The following BCAS3 variants were observed in gnomAD, a reference collection of about 807,000 sequenced individuals.
BCAS3 encodes BCAS3 microtubule associated cell migration factor, also known as BCAS4/BCAS3 fusion.
In BCAS3, 53 loss-of-function variants were observed where a neutral mutation model predicts 116.1. The ratio of observed to expected loss-of-function variants is 0.46; its 90% confidence interval spans 0.37 to 0.57. BCAS3 has a LOEUF of 0.57. Ranked by LOEUF, BCAS3 falls within the 20% of genes least tolerant of loss-of-function variation. The probability of loss-of-function intolerance (pLI) is 0.00; values close to 1 mark genes in which losing one functional copy is unlikely to be tolerated. For synonymous variants in BCAS3, 391 were observed against 408.2 expected (o/e 0.96, Z 0.51); for missense variants, 917 against 1,165.4 (o/e 0.79, Z 3.10).
rs879689269 is a variant in BCAS3 at position 61,279,777 on chromosome 17, G to GA, written c.2426-88536dup. Among the ~76,000 whole-genome samples the GA allele has an allele frequency of 4.3e-3, 584 of 136,244 alleles. No homozygotes were observed. Among genetic ancestry groups the GA allele is most frequent in the Middle Eastern group, 0.012 (3 of 260 alleles). 89.4% of individuals were successfully genotyped at this position (136,244 alleles called of 152,430 possible). On this transcript the variant is annotated intron_variant, in intron 22 of 23. Transcript: ENST00000407086. The surrounding 1 kb of genome is among the most constrained non-coding windows in gnomAD (Gnocchi z 4.4). ...GCACTGGTCCCTCTGCTTGAGTGAA[G>GA]AAAAAAAAAAAAAACTAGGCAGGTA...
rs1478225048 is a variant in BCAS3 at position 61,344,058 on chromosome 17, A to T, written c.2426-24269A>T. Among the ~76,000 whole-genome samples, 1 of 152,076 alleles carries T rather than the reference A, an allele frequency of 6.6e-6. No individual in the cohort carries two copies. Among genetic ancestry groups the T allele is most frequent in the Non-Finnish European group, 1.5e-5 (1 of 68,016 alleles). On this transcript the variant is annotated intron_variant, in intron 22 of 23. Transcript: ENST00000407086. The surrounding 1 kb of genome is among the most constrained non-coding windows in gnomAD (Gnocchi z 4.1). ...GAGACAGGCAAGAGTCAGTAATAAG[A>T]TCAGAGAGTAGAAGACTAGGGCCAG... is the stretch of plus-strand genomic sequence containing the variant.
intron 22 of BCAS3, among the ~76,000 whole-genome samples, chr17:61,172,896 G>A (rs1412103955): frequency 6.6e-6 from 1 of 151,552 alleles, no homozygotes; most frequent in African/African-American, 2.4e-5. Flanking sequence ...GCTGAGGCAG[G>A]AGCATGGCGT....
intron 15 of BCAS3, among the ~76,000 whole-genome samples, chr17:60,997,452 A>G (rs1568074014): frequency 6.6e-6 from 1 of 152,128 alleles, no homozygotes; most frequent in Non-Finnish European, 1.5e-5. Context: ...GAGACAGAGG[A>G]TGTTGCTTCT....
rs2076395077 is a variant in BCAS3, at chr17:61,132,523, G to A, written c.2425+47959G>A. 6.6e-6 allele frequency among the ~76,000 whole-genome samples: 1 copy of A among 152,138 alleles called. No homozygotes were observed. The highest frequency in any genetic ancestry group is 2.1e-4 in the South Asian group (1 of 4,830). ...AAGATTCCCTAACATTGGAATAAAT[G>A]GTAAGAATATAGATTGTTTGTGCCG... On this transcript the variant is annotated intron_variant, in intron 22 of 23. Transcript: ENST00000407086. The surrounding 1 kb of genome is among the most constrained non-coding windows in gnomAD (Gnocchi z 5.1).
At chr17:61,133,397 A>G (rs767670842) in intron 22 of BCAS3, among the ~76,000 whole-genome samples, 23 of 152,214 alleles carry the variant, frequency 1.5e-4, no homozygotes, top group Non-Finnish European at 2.4e-4. Context: ...GATGTCAAGT[A>G]CAAGTTCTGT....
rs991253875 is a variant in BCAS3, at chr17:61,258,652, G to A, written c.2426-109675G>A. ...ACATTGATTAAGTAAGTAGACTGATGTTCACTCCTTATTGCATGATTTTCT... is the reference window on the plus strand; with the variant it reads ...ACATTGATTAAGTAAGTAGACTGATATTCACTCCTTATTGCATGATTTTCT... On this transcript the variant is annotated intron_variant, in intron 22 of 23. Transcript: ENST00000407086. This position sits in a 1 kb window ranked among gnomAD's most constrained non-coding sequence, Gnocchi z 4.7. Among the ~76,000 whole-genome samples the A allele has an allele frequency of 1.3e-5, 2 of 152,320 alleles. 1 individual carries two copies. Among genetic ancestry groups the A allele is most frequent in the South Asian group, 4.1e-4 (2 of 4,832 alleles).
chr17:61,111,556 A>G (rs2075093605), intron 22 of BCAS3, among the ~76,000 whole-genome samples: 1 of 151,248 alleles, frequency 6.6e-6, no homozygotes, highest in African/African-American at 2.4e-5. Context: ...AAAAGAAATG[A>G]GCAAAGCCTC....
At position 61,343,271 on chromosome 17, in the gene BCAS3, G is replaced by T. The variant is rs34289689; in HGVS notation, c.2426-25056G>T. ...TCTAAAGGTGCCATGTGGAGGAGCAGAACAAGCCCTTCAATTGTGCACCGT... is the reference window on the plus strand; with the variant it reads ...TCTAAAGGTGCCATGTGGAGGAGCATAACAAGCCCTTCAATTGTGCACCGT... On this transcript the variant is annotated intron_variant, in intron 22 of 23. Coordinates refer to ENST00000407086, the MANE Select transcript of BCAS3 (RefSeq NM_017679.5). The surrounding 1 kb of genome is among the most constrained non-coding windows in gnomAD (Gnocchi z 5.5). 6.6e-6 allele frequency among the ~76,000 whole-genome samples: 1 copy of T among 152,224 alleles called. No individual in the cohort carries two copies. The highest frequency in any genetic ancestry group is 1.5e-5 in the Non-Finnish European group (1 of 68,042).
At position 60,947,018 on chromosome 17, in the gene BCAS3, C is replaced by G. The variant is rs143719623; in HGVS notation, c.1088-201C>G. Among the ~76,000 whole-genome samples, 9 of 152,166 alleles carry G rather than the reference C, an allele frequency of 5.9e-5. No homozygotes were observed. The East Asian group carries it at 1.7e-3, about 29-fold the overall frequency. ...AATACTTGCACATCTAGTGTTTATA[C>G]CTTGCTGATATACTGATGTGTCATT... On this transcript the variant is annotated intron_variant, in intron 13 of 23. Transcript: ENST00000407086.
rs1280244862 is a variant in BCAS3, at chr17:61,203,367, A to G, written c.2425+118803A>G. Among the ~76,000 whole-genome samples, 3 of 152,160 alleles carry G rather than the reference A, an allele frequency of 2.0e-5. No individual in the cohort carries two copies. The highest frequency in any genetic ancestry group is 7.2e-5 in the African/African-American group (3 of 41,434). ...GAAACAGGGTTTCGCCATGTTGGTC[A>G]GGCTGGTTTCAAACTCCTGACCTTG... On this transcript the variant is annotated intron_variant, in intron 22 of 23. Transcript: ENST00000407086. The surrounding 1 kb of genome is among the most constrained non-coding windows in gnomAD (Gnocchi z 5.7).
chr17:60,775,383 T>C (rs1338002596), intron 6 of BCAS3, among the ~76,000 whole-genome samples: 1 of 152,202 alleles, frequency 6.6e-6, no homozygotes, highest in Non-Finnish European at 1.5e-5. Context: ...GAGTCTGGCA[T>C]CATTTTTTTC....
intron 7 of BCAS3, chr17:60,811,485 T>C: frequency 8.0e-6 from 4 of 499,630 alleles, no homozygotes; most frequent in South Asian, 3.4e-5. Context: ...AGTGTACCCT[T>C]TGGGGAGCCA....
At chr17:61,112,895 C>T (rs1167048665) in intron 22 of BCAS3, among the ~76,000 whole-genome samples, 2 of 150,906 alleles carry the variant, frequency 1.3e-5, no homozygotes, top group Admixed American at 6.6e-5. Flanking sequence ...ATCTCTCAGA[C>T]CACAGTGCAA....
intron 22 of BCAS3, among the ~76,000 whole-genome samples, chr17:61,330,476 A>G (rs1055097479): frequency 1.3e-5 from 2 of 152,146 alleles, no homozygotes; most frequent in Non-Finnish European, 2.9e-5. Flanking sequence ...GGGCCCCCAA[A>G]TGCAGGCCTT....
intron 23 of BCAS3, among the ~76,000 whole-genome samples, chr17:61,371,771 G>A (rs1240249941): frequency 6.6e-6 from 1 of 152,102 alleles, no homozygotes; most frequent in African/African-American, 2.4e-5. Flanking sequence ...CCGTAGCCAG[G>A]CGCCGGTGAG....
rs985265429 is a variant in BCAS3 at position 61,128,579 on chromosome 17, T to C, written c.2425+44015T>C. On this transcript the variant is annotated intron_variant, in intron 22 of 23. Transcript: ENST00000407086. This position sits in a 1 kb window ranked among gnomAD's most constrained non-coding sequence, Gnocchi z 4.1. Reference sequence around the variant, plus strand: ...TGCTATACACAATCCCCAGCACTTATAAAATAAAAAAAGTATGGAGAGAGA... The same window carrying C: ...TGCTATACACAATCCCCAGCACTTACAAAATAAAAAAAGTATGGAGAGAGA... 6.1e-6 allele frequency: 6 copies of C among 985,274 alleles called. No homozygotes were observed. Among genetic ancestry groups the C allele is most frequent in the South Asian group, 9.4e-5 (2 of 21,272 alleles). 61.0% of individuals were successfully genotyped at this position (985,274 alleles called of 1,614,324 possible).
At chr17:61,340,752 G>A (rs1416244646) in intron 22 of BCAS3, among the ~76,000 whole-genome samples, 2 of 152,206 alleles carry the variant, frequency 1.3e-5, no homozygotes, top group Non-Finnish European at 2.9e-5. Flanking sequence ...ACAACTGGAT[G>A]TGGTGGGAAG....
intron 22 of BCAS3, among the ~76,000 whole-genome samples, chr17:61,206,456 G>A (rs2081129431): frequency 6.6e-6 from 1 of 151,992 alleles, no homozygotes; most frequent in Non-Finnish European, 1.5e-5. Context: ...GTTCCTTTGG[G>A]TACTATGAGT....
At position 61,068,707 on chromosome 17, in the gene BCAS3, C is replaced by G. The variant is rs2070994260; in HGVS notation, c.2030-6213C>G. ...CCGCCATTGGTCCCTAAAACTTCTT[C>G]TGGGATTCTGTCGTTTCCCACTCCT... On this transcript the variant is annotated intron_variant, in intron 19 of 23. Coordinates refer to ENST00000407086, the MANE Select transcript of BCAS3 (RefSeq NM_017679.5). This position sits in a 1 kb window ranked among gnomAD's most constrained non-coding sequence, Gnocchi z 4.3. Among the ~76,000 whole-genome samples, 3 of 152,196 alleles carry G rather than the reference C, an allele frequency of 2.0e-5. No individual in the cohort carries two copies. The highest frequency in any genetic ancestry group is 4.4e-5 in the Non-Finnish European group (3 of 68,034).
Sources: allele counts gnomAD v4.1 joint callset (sites outside exome capture counted in the v4.1 genomes callset), GRCh38; gene constraint gnomAD v4.1.1; non-coding constraint Gnocchi (gnomAD v3.1); transcripts MANE v1.5; gene names NCBI Gene and HGNC (gene_info 2026-07-23, HGNC 2026-07-21).